RARB: variants seen among roughly 807,000 people sequenced by gnomAD.
The protein encoded by RARB is HBV-activated protein.
RARB carries 17 observed loss-of-function variants against 51.9 expected under a neutral mutation model. The ratio of observed to expected loss-of-function variants is 0.33; its 90% CI spans 0.22 to 0.49. RARB has a LOEUF of 0.49. Ranked by LOEUF, RARB falls within the 20% of genes least tolerant of loss-of-function variation. The pLI, the probability that RARB is intolerant of heterozygous loss-of-function variation, is 0.99. For missense variants in RARB, 369 were observed against 550.8 expected (o/e 0.67, Z 3.30); for synonymous variants, 215 against 195.4 (o/e 1.10, Z -0.84).
rs997624842 is a variant in RARB, at chr3:24,874,889, C to G, written c.-380+16137C>G. 9.9e-5 allele frequency among the ~76,000 whole-genome samples: 15 copies of G among 152,048 alleles called. No homozygotes were observed. The Middle Eastern group carries it at 0.017, about 172-fold the overall frequency. On this transcript the variant is annotated intron_variant, in intron 2 of 11. Coordinates refer to the RARB transcript ENST00000383772. ...TTTTTTCTCACTGCATTGTTTTACT[C>G]TACTACACTAAAAGTTATACGCTCA...
intron 4 of RARB, among the ~76,000 whole-genome samples, chr3:25,135,225 T>C (rs1052133497): frequency 2.0e-5 from 3 of 151,944 alleles, no homozygotes; most frequent in Non-Finnish European, 4.4e-5. Context: ...CTAGTGCAAC[T>C]AAGGAACTGA....
intron 2 of RARB, among the ~76,000 whole-genome samples, chr3:24,975,828 G>GTTAC (rs1488449137): frequency 1.3e-5 from 2 of 152,006 alleles, no homozygotes; most frequent in Non-Finnish European, 2.9e-5. Context: ...GTGCAGGTTT[G>GTTAC]TTACATAGGT....
At chr3:25,326,388 T>A (rs949509633) in intron 5 of RARB, among the ~76,000 whole-genome samples, 1 of 152,180 alleles carries the variant, frequency 6.6e-6, no homozygotes, top group South Asian at 2.1e-4. Flanking sequence ...GAACAGAAAT[T>A]GAGTCATCCT....
intron 5 of RARB, among the ~76,000 whole-genome samples, chr3:25,187,947 A>G (rs1701014868): frequency 6.6e-6 from 1 of 152,150 alleles, no homozygotes; most frequent in Non-Finnish European, 1.5e-5. Flanking sequence ...CTTCCTGGCT[A>G]ATAAGAGGTG....
At chr3:25,287,170 A>G (rs923137699) in intron 5 of RARB, among the ~76,000 whole-genome samples, 1 of 152,248 alleles carries the variant, frequency 6.6e-6, no homozygotes, top group South Asian at 2.1e-4. Context: ...AATGCATAAC[A>G]TCTTGAACAA....
intron 3 of RARB, among the ~76,000 whole-genome samples, chr3:25,564,269 T>C (rs894009222): frequency 4.6e-5 from 7 of 152,246 alleles, no homozygotes; most frequent in African/African-American, 1.7e-4. Flanking sequence ...TAGTGGATCA[T>C]AAATATGTTA....
chr3:25,501,413 A>T lies in RARB; in HGVS notation c.448+90A>T, dbSNP rs1197681230. 2.7e-6 allele frequency: 4 copies of T among 1,493,798 alleles called. No individual in the cohort carries two copies. The African/African-American group carries it at 5.8e-5, about 22-fold the overall frequency. The allele number at this position is 1,493,798 out of a possible 1,614,324, so 92.5% of individuals were successfully genotyped here. A position where few individuals can be genotyped will look rare whatever the true frequency, so the allele number is the denominator to read the frequency against. On this transcript the variant is annotated intron_variant, in intron 3 of 7. Transcript: ENST00000330688. The stretch of plus-strand genomic sequence containing the variant: ...CAGTCATGTGGAATTCACACACGAC[A>T]CTAACGAAATCTTGCCAAGGGTAGG...
intron 5 of RARB, among the ~76,000 whole-genome samples, chr3:25,313,820 A>G (rs1704349228): frequency 6.6e-6 from 1 of 152,182 alleles, no homozygotes; most frequent in Admixed American, 6.5e-5. Context: ...CTCTAATTCT[A>G]GCACTTTGGG....
intron 2 of RARB, among the ~76,000 whole-genome samples, chr3:25,473,470 G>C (rs1182688521): frequency 6.6e-6 from 1 of 151,938 alleles, no homozygotes; most frequent in Admixed American, 6.6e-5. Context: ...TGCTAGCAGC[G>C]TCCTGCCTGG....
At chr3:24,919,527 C>A (rs982527471) in intron 2 of RARB, among the ~76,000 whole-genome samples, 3 of 152,128 alleles carry the variant, frequency 2.0e-5, no homozygotes, top group African/African-American at 7.2e-5. Flanking sequence ...ATTTACTGTA[C>A]GTCACTTTCT....
chr3:25,285,053 G>A (rs980301342), intron 5 of RARB, among the ~76,000 whole-genome samples: 1 of 152,148 alleles, frequency 6.6e-6, no homozygotes, highest in Non-Finnish European at 1.5e-5. Context: ...ACTCACTTTT[G>A]CATTTCCAGG....
chr3:24,838,114 G>A lies in RARB; in HGVS notation c.-459+8711G>A, dbSNP rs545934581. Reference sequence around the variant, plus strand: ...GTCCCTATTTCCTTGCTGGCTGTCCGCTGGGGATCATTCTCAACTTTTAGA... The same window carrying A: ...GTCCCTATTTCCTTGCTGGCTGTCCACTGGGGATCATTCTCAACTTTTAGA... On this transcript the variant is annotated intron_variant, in intron 1 of 11. Transcript: ENST00000383772. Among the ~76,000 whole-genome samples the A allele has an allele frequency of 5.5e-4, 84 of 152,222 alleles. No individual in the cohort carries two copies. The Middle Eastern group carries it at 0.021, about 37-fold the overall frequency.
chr3:25,250,298 G>A (rs1421808534), intron 5 of RARB, among the ~76,000 whole-genome samples: 1 of 152,164 alleles, frequency 6.6e-6, no homozygotes, highest in Non-Finnish European at 1.5e-5. Context: ...TCTATCCTCA[G>A]GCTCCATGTG....
At chr3:25,448,541 C>T (rs564005366) in intron 1 of RARB, among the ~76,000 whole-genome samples, 1 of 152,240 alleles carries the variant, frequency 6.6e-6, no homozygotes, top group South Asian at 2.1e-4. Context: ...GATCTCGGCT[C>T]ACCACAATCT....
chr3:25,496,320 G>A lies in RARB; in HGVS notation c.307-4862G>A, dbSNP rs112249164. Among the ~76,000 whole-genome samples the A allele has an allele frequency of 2.4e-4, 37 of 152,270 alleles. 1 individual carries two copies. Among genetic ancestry groups the A allele is most frequent in the Middle Eastern group, 3.4e-3 (1 of 294 alleles). On this transcript the variant is annotated intron_variant, in intron 2 of 7. Coordinates refer to ENST00000330688, the MANE Select transcript of RARB (RefSeq NM_000965.5). ...TTTTCCTGCCAGTTTTTGCCTGACC[G>A]TTGCCTTGGGTCTTCCCTTCCTCCA...
At chr3:24,954,188 T>A (rs1389402815) in intron 2 of RARB, among the ~76,000 whole-genome samples, 1 of 152,204 alleles carries the variant, frequency 6.6e-6, no homozygotes, top group East Asian at 1.9e-4. Flanking sequence ...GGCCACTCAA[T>A]TCTTGAAACA....
rs370933163 is a variant in RARB at position 25,078,740 on chromosome 3, A to T, written c.-328+18564A>T. On this transcript the variant is annotated intron_variant, in intron 3 of 11. Transcript: ENST00000383772. Reference sequence around the variant, plus strand: ...GAGAAATGGTTTCTCCATGTTGGTCAGGCTGGTCTCGAACTCCCGACCTCA... The same window carrying T: ...GAGAAATGGTTTCTCCATGTTGGTCTGGCTGGTCTCGAACTCCCGACCTCA... Among the ~76,000 whole-genome samples the T allele has an allele frequency of 1.4e-4, 22 of 152,240 alleles. 1 individual carries two copies. In the South Asian group the frequency reaches 4.6e-3, roughly 32 times the overall value.
chr3:25,548,072 A>C (rs1699690187), intron 3 of RARB, among the ~76,000 whole-genome samples: 1 of 150,446 alleles, frequency 6.6e-6, no homozygotes, highest in Non-Finnish European at 1.5e-5. Flanking sequence ...CCCCTGTAAA[A>C]TATATTGTCA....
intron 4 of RARB, among the ~76,000 whole-genome samples, chr3:25,144,958 C>T (rs1020697565): frequency 2.0e-5 from 3 of 152,074 alleles, no homozygotes; most frequent in African/African-American, 7.2e-5. Flanking sequence ...TCATAATTTA[C>T]AACATTTTGG....
Sources: allele counts gnomAD v4.1 joint callset (sites outside exome capture counted in the v4.1 genomes callset), GRCh38; gene constraint gnomAD v4.1.1; transcripts MANE v1.5; gene names NCBI Gene and HGNC (gene_info 2026-07-23, HGNC 2026-07-21).